Variants in TLCD3A observed in about 807,000 individuals in gnomAD.
TLCD3A encodes the protein TLC domain containing 3A.
In TLCD3A, 17 loss-of-function variants were observed where a neutral mutation model predicts 29.9. The ratio of observed to expected loss-of-function variants is 0.57; its 90% CI spans 0.39 to 0.85. TLCD3A has a LOEUF of 0.85. TLCD3A is among the 40% of genes least tolerant of loss of function. The probability of loss-of-function intolerance (pLI) is 0.00; values close to 1 mark genes in which losing one functional copy is unlikely to be tolerated. For missense variants in TLCD3A, 332 were observed against 350.8 expected, an observed-to-expected ratio of 0.95 and a Z score of 0.43; for synonymous variants, 143 against 147.7, an observed-to-expected ratio of 0.97 and a Z score of 0.23.
rs1189352017 is a variant in TLCD3A at position 742,051 on chromosome 17, G to C, written c.*481G>C. On this transcript the variant is annotated 3_prime_UTR_variant, in exon 5 of 5. Coordinates refer to ENST00000308278, the MANE Select transcript of TLCD3A (RefSeq NM_024792.3). ...GACATTGGCCTGGGACAATCATTGT[G>C]GGTAGGTAGTTATTGATCGTTTACT... The C allele has an allele frequency of 5.7e-6, 1 of 176,960 alleles. No homozygotes were observed. Among genetic ancestry groups the C allele is most frequent in the African/African-American group, 2.4e-5 (1 of 41,758 alleles). The allele number at this position is 176,960 out of a possible 1,614,324, so 11.0% of individuals were successfully genotyped here.
At chr17:738,253 GC>G (rs1974195951) in intron 3 of TLCD3A, among the ~76,000 whole-genome samples, 1 of 151,792 alleles carries the variant, frequency 6.6e-6, no homozygotes, top group Non-Finnish European at 1.5e-5. Flanking sequence ...CCACCACCAC[GC>G]CCGGCTAATG....
Position 732,602 on chromosome 17 carries a change from A to G in TLCD3A, c.-46A>G. 3 of 1,185,172 alleles carry G rather than the reference A, an allele frequency of 2.5e-6. No individual in the cohort carries two copies. Among genetic ancestry groups the G allele is most frequent in the Non-Finnish European group, 3.1e-6 (3 of 956,878 alleles). 73.4% of individuals were successfully genotyped at this position (1,185,172 alleles called of 1,614,324 possible). Reference sequence around the variant, plus strand: ...GGCCGGGCCGGGGCGCGCCGAGCCGAACCCAGCCACGCGGCGCCAGCGAGG... The same window carrying G: ...GGCCGGGCCGGGGCGCGCCGAGCCGGACCCAGCCACGCGGCGCCAGCGAGG... On this transcript the variant is annotated 5_prime_UTR_variant, in exon 1 of 5. Transcript: ENST00000308278.
intron 3 of TLCD3A, among the ~76,000 whole-genome samples, chr17:738,856 T>TC (rs922422057): frequency 1.3e-5 from 2 of 152,138 alleles, no homozygotes; most frequent in African/African-American, 4.8e-5. Context: ...CGCGAGCCAC[T>TC]GCACCCGGCC....
At position 742,860 on chromosome 17, in the gene TLCD3A, G is replaced by T. The variant is rs1172042125; in HGVS notation, c.*1290G>T. On this transcript the variant is annotated 3_prime_UTR_variant, in exon 5 of 5. Transcript: ENST00000308278. ...ATTTTGACTGTTGAGTCTTTAATGG[G>T]TGCCATTTAAAAAACAAAATGCTAT... 6.6e-6 allele frequency: 1 copy of T among 152,348 alleles called. No individual in the cohort carries two copies. Among genetic ancestry groups the T allele is most frequent in the Non-Finnish European group, 1.5e-5 (1 of 67,986 alleles). The allele number at this position is 152,348 out of a possible 1,614,324, so 9.4% of individuals were successfully genotyped here.
chr17:736,192 GAGACAAAGTTAATAC>G (rs1208549765), intron 2 of TLCD3A, among the ~76,000 whole-genome samples: 7 of 152,122 alleles, frequency 4.6e-5, no homozygotes, highest in Non-Finnish European at 8.8e-5. Flanking sequence ...TCCGAAATCA[GAGACAAAGTTAATAC>G]AGATTTCAGG....
chr17:739,496 A>G (rs1410822857), intron 3 of TLCD3A, among the ~76,000 whole-genome samples: 1 of 151,624 alleles, frequency 6.6e-6, no homozygotes, highest in Non-Finnish European at 1.5e-5. Context: ...GCCGGCATGT[A>G]GTTTTATTTT....
intron 4 of TLCD3A, 76 bp from the exon 5 acceptor site, chr17:741,225 G>A: frequency 1.3e-6 from 2 of 1,490,616 alleles, no homozygotes; most frequent in East Asian, 4.5e-5. Flanking sequence ...ATTTACTGTG[G>A]TGGGACTTGG....
At chr17:737,458 G>C (rs1372372775) in intron 2 of TLCD3A, among the ~76,000 whole-genome samples, 2 of 151,924 alleles carry the variant, frequency 1.3e-5, no homozygotes, top group African/African-American at 4.8e-5. Flanking sequence ...AGTTAAACTA[G>C]AAATGTTGGA....
At position 741,417 on chromosome 17, in the gene TLCD3A, G is replaced by A. The variant is rs1467797296; in HGVS notation, c.621G>A (p.Gln207=). The change falls in exon 5 of 5, where the codon CAG becomes CAA. Residue 207 remains glutamine (Q), a synonymous_variant. Coordinates refer to ENST00000308278, the MANE Select transcript of TLCD3A (RefSeq NM_024792.3). ...PFMYWSYGRQ[Q]GLSLLQVPFS... The stretch of plus-strand genomic sequence containing the variant: ...TGTACTGGTCCTATGGCCGCCAGCA[G>A]GGACTAAGCCTGCTCCAAGTACCCT... The A allele has an allele frequency of 6.2e-7, 1 of 1,614,216 alleles. No homozygotes were observed. The highest frequency in any genetic ancestry group is 8.5e-7 in the Non-Finnish European group (1 of 1,180,028).
chr17:733,194 G>A lies in TLCD3A; in HGVS notation c.206+13G>A. 6.5e-7 allele frequency: 1 copy of A among 1,534,016 alleles called. No homozygotes were observed. The highest frequency in any genetic ancestry group is 8.8e-7 in the Non-Finnish European group (1 of 1,139,862). ...TGATCACCGGCAGGTAAGAGCCCGG[G>A]CCGGGGCCTTGTTGCAAATGTCACA... On this transcript the variant is annotated intron_variant, in intron 2 of 4. Transcript: ENST00000308278.
intron 3 of TLCD3A, 53 bp downstream of exon 3, chr17:738,100 T>G (rs888539696): frequency 2.4e-6 from 3 of 1,267,172 alleles, no homozygotes; most frequent in African/African-American, 1.7e-5. Flanking sequence ...GGGTGTCTTT[T>G]TTTTTTTTTT....
rs370263040 is a variant in TLCD3A at position 741,368 on chromosome 17, G to A, written c.572G>A (p.Cys191Tyr). The A allele has an allele frequency of 6.2e-7, 1 of 1,614,146 alleles. No homozygotes were observed. Among genetic ancestry groups the A allele is most frequent in the African/African-American group, 1.3e-5 (1 of 75,034 alleles). The change falls in exon 5 of 5, where the codon TGC (cysteine) becomes TAC (tyrosine). Residue 191 changes from cysteine to tyrosine, a missense_variant. By Grantham distance (194) the Cys-to-Tyr change is radical. Coordinates refer to ENST00000308278, the MANE Select transcript of TLCD3A (RefSeq NM_024792.3). Reference sequence around the variant, plus strand: ...CTCACGCTGGCCACCTTCCTTTCCTGCCGGATCCTTCTCTTCCCCTTCATG... The same window carrying A: ...CTCACGCTGGCCACCTTCCTTTCCTACCGGATCCTTCTCTTCCCCTTCATG... Reference protein sequence around the residue: ...GILTLATFLSCRILLFPFMYW... With the variant: ...GILTLATFLSYRILLFPFMYW...
intron 3 of TLCD3A, 66 bp downstream of exon 3, chr17:738,113 T>TTTTC (rs1555595617): frequency 6.4e-6 from 8 of 1,257,206 alleles, no homozygotes; most frequent in African/African-American, 6.3e-5. Flanking sequence ...TTTTTTTTTT[T>TTTTC]CTGAGACAGT....
chr17:738,630 T>C (rs1213817690), intron 3 of TLCD3A, among the ~76,000 whole-genome samples: 1 of 152,210 alleles, frequency 6.6e-6, no homozygotes, highest in Non-Finnish European at 1.5e-5. Context: ...TGGAGTGCAG[T>C]TGTTGGATCA....
chr17:741,398 G>C lies in TLCD3A; in HGVS notation c.602G>C (p.Trp201Ser), dbSNP rs745499521. ...CRILLFPFMY[W>S]SYGRQQGLSL... is the part of the protein sequence containing the mutation. ...ATCCTTCTCTTCCCCTTCATGTACT[G>C]GTCCTATGGCCGCCAGCAGGGACTA... Residue 201 changes from tryptophan to serine, a missense_variant, in exon 5 of 5, where the codon TGG becomes TCG. Trp to Ser is a radical substitution (Grantham distance 177). Coordinates refer to ENST00000308278, the MANE Select transcript of TLCD3A (RefSeq NM_024792.3). The C allele has an allele frequency of 6.2e-7, 1 of 1,614,034 alleles. No individual in the cohort carries two copies. The highest frequency in any genetic ancestry group is 1.3e-5 in the African/African-American group (1 of 74,896).
intron 4 of TLCD3A, among the ~76,000 whole-genome samples, 198 bp downstream of exon 4, chr17:740,798 CAGAA>C (rs1480945261): frequency 2.0e-5 from 3 of 152,044 alleles, no homozygotes; most frequent in African/African-American, 7.3e-5. Context: ...AATGAAATGG[CAGAA>C]AGAGTGTGGG....
chr17:733,696 G>A (rs1025930901), intron 2 of TLCD3A, among the ~76,000 whole-genome samples: 2 of 152,226 alleles, frequency 1.3e-5, no homozygotes, highest in Non-Finnish European at 2.9e-5. Flanking sequence ...CCAGAGGCAG[G>A]TCAGGAAATG....
chr17:740,665 CAG>C lies in TLCD3A; in HGVS notation c.504+72_504+73del, dbSNP rs201442672. The C allele has an allele frequency of 2.1e-4, 315 of 1,481,364 alleles. 4 individuals carry two copies. Among genetic ancestry groups the C allele is most frequent in the African/African-American group, 3.2e-4 (23 of 71,644 alleles). The allele number at this position is 1,481,364 out of a possible 1,614,324, so 91.8% of individuals were successfully genotyped here. On this transcript the variant is annotated intron_variant, in intron 4 of 4. Coordinates refer to ENST00000308278, the MANE Select transcript of TLCD3A (RefSeq NM_024792.3). ...ATTCAGGCATGTATGAATGAAATGA[CAG>C]AGAGAGTGAGGGTTCTGATTCAGGC...
At chr17:734,433 C>T (rs531117853) in intron 2 of TLCD3A, among the ~76,000 whole-genome samples, 42 of 151,922 alleles carry the variant, frequency 2.8e-4, no homozygotes, top group African/African-American at 9.2e-4. Context: ...TCCTTAGCCT[C>T]CCAAGCTTGG....
Sources: allele counts gnomAD v4.1 joint callset (sites outside exome capture counted in the v4.1 genomes callset), GRCh38; gene constraint gnomAD v4.1.1; transcripts MANE v1.5; gene names NCBI Gene and HGNC (gene_info 2026-07-23, HGNC 2026-07-21).